The following PRRX2 variants were observed in gnomAD, a reference collection of about 807,000 sequenced individuals.
PRRX2 encodes the protein paired related homeobox 2.
PRRX2 carries 11 observed loss-of-function variants against 18.0 expected under a neutral mutation model. The ratio of observed to expected loss-of-function variants is 0.61; its 90% confidence interval spans 0.39 to 1.01. The LOEUF (loss-of-function observed/expected upper bound fraction) is 1.01. PRRX2 is among the 50% of genes least tolerant of loss of function. The pLI, the probability that PRRX2 is intolerant of heterozygous loss-of-function variation, is 0.01. For synonymous variants in PRRX2, 177 were observed against 154.8 expected (o/e 1.14, Z -1.06); for missense variants, 387 against 351.0 (o/e 1.10, Z -0.82).
At chr9:129,703,112 C>G (rs925062551) in intron 1 of PRRX2, among the ~76,000 whole-genome samples, 2 of 152,224 alleles carry the variant, frequency 1.3e-5, no homozygotes. Flanking sequence ...AAGATGGCCC[C>G]GTGCCCAGAC....
chr9:129,667,112 T>G (rs1018674163), intron 1 of PRRX2, among the ~76,000 whole-genome samples: 3 of 152,216 alleles, frequency 2.0e-5, no homozygotes, highest in African/African-American at 7.2e-5. Flanking sequence ...TGAATCCATG[T>G]GCGTCCACGA....
chr9:129,679,404 G>A (rs1178255666), intron 1 of PRRX2, among the ~76,000 whole-genome samples: 4 of 152,108 alleles, frequency 2.6e-5, no homozygotes, highest in Non-Finnish European at 4.4e-5. Flanking sequence ...GATCCAAGAG[G>A]ACCATTTATT....
At chr9:129,692,409 T>C (rs903211610) in intron 1 of PRRX2, among the ~76,000 whole-genome samples, 3 of 139,318 alleles carry the variant, frequency 2.2e-5, no homozygotes, top group African/African-American at 7.8e-5. Flanking sequence ...CATACCATCA[T>C]CACTCAAAGT....
intron 1 of PRRX2, among the ~76,000 whole-genome samples, chr9:129,712,420 T>G (rs1295472199): frequency 6.6e-6 from 1 of 152,174 alleles, no homozygotes; most frequent in Non-Finnish European, 1.5e-5. Flanking sequence ...CTCCAGACTA[T>G]TTAGACCCTT....
intron 1 of PRRX2, among the ~76,000 whole-genome samples, chr9:129,696,986 C>T (rs1206465995): frequency 1.3e-5 from 2 of 152,222 alleles, no homozygotes; most frequent in African/African-American, 4.8e-5. Context: ...GGCGACTGAC[C>T]TCCCTCCCTA....
intron 1 of PRRX2, among the ~76,000 whole-genome samples, chr9:129,673,351 G>A (rs1832123168): frequency 6.6e-6 from 1 of 152,198 alleles, no homozygotes; most frequent in South Asian, 2.1e-4. Flanking sequence ...CAGCTACTCG[G>A]GATGCTGAGA....
chr9:129,666,176 G>GGGGCCA, intron 1 of PRRX2, 50 bp downstream of exon 1: 3 of 992,890 alleles, frequency 3.0e-6, no homozygotes, highest in Non-Finnish European at 3.6e-6. Context: ...GGCCGGGGCC[G>GGGGCCA]GGGCCGGGGC....
chr9:129,703,027 C>G (rs916399815), intron 1 of PRRX2, among the ~76,000 whole-genome samples: 1 of 152,232 alleles, frequency 6.6e-6, no homozygotes, highest in African/African-American at 2.4e-5. Flanking sequence ...CTAGGACCTA[C>G]TGTAATGGAG....
intron 1 of PRRX2, among the ~76,000 whole-genome samples, chr9:129,680,400 CAAAA>C (rs1207606607): frequency 1.2e-5 from 1 of 85,846 alleles, no homozygotes. Flanking sequence ...GACTCCGTCT[CAAAA>C]AAAAAAAAAA....
chr9:129,672,362 C>A lies in PRRX2; in HGVS notation c.259+6236C>A, dbSNP rs146739855. The stretch of plus-strand genomic sequence containing the variant: ...GCATCACAGGCCTCACTGGAGTTGT[C>A]CTCCTGCCAGCCGTGTGAAGCCCAT... On this transcript the variant is annotated intron_variant, in intron 1 of 3. Transcript: ENST00000372469. 4.1e-3 allele frequency among the ~76,000 whole-genome samples: 620 copies of A among 152,284 alleles called. 8 individuals are homozygous for A. The highest frequency in any genetic ancestry group is 0.014 in the African/African-American group (595 of 41,540).
chr9:129,714,509 C>T (rs1009791553), intron 1 of PRRX2, among the ~76,000 whole-genome samples: 1 of 152,208 alleles, frequency 6.6e-6, no homozygotes, highest in African/African-American at 2.4e-5. Flanking sequence ...GGCACCACTC[C>T]TGTCCCAACC....
At chr9:129,691,615 C>T (rs1028793953) in intron 1 of PRRX2, among the ~76,000 whole-genome samples, 2 of 151,588 alleles carry the variant, frequency 1.3e-5, no homozygotes, top group African/African-American at 4.8e-5. Flanking sequence ...AATTAAGGAT[C>T]TCCTCCCCCA....
intron 1 of PRRX2, among the ~76,000 whole-genome samples, chr9:129,691,418 T>C (rs1832359416): frequency 6.6e-6 from 1 of 152,180 alleles, no homozygotes; most frequent in Admixed American, 6.5e-5. Flanking sequence ...CTCTTTCTCA[T>C]AATTTTACAT....
At chr9:129,711,818 G>C (rs34893730) in intron 1 of PRRX2, among the ~76,000 whole-genome samples, 20,611 of 152,150 alleles carry the variant, frequency 0.14, 1,777 homozygotes, top group East Asian at 0.35. Context: ...TCCTTAACCA[G>C]TAGGCGGTAC....
chr9:129,710,504 C>T (rs898992391), intron 1 of PRRX2, among the ~76,000 whole-genome samples: 4 of 152,128 alleles, frequency 2.6e-5, no homozygotes, highest in Admixed American at 2.0e-4. Context: ...GAGGCTGAGG[C>T]GGGTGGACCA....
At chr9:129,679,026 G>A (rs1045255117) in intron 1 of PRRX2, among the ~76,000 whole-genome samples, 11 of 152,318 alleles carry the variant, frequency 7.2e-5, no homozygotes, top group Middle Eastern at 3.4e-3. Context: ...TTTAGAGCCA[G>A]AGGTGGGGCA....
At chr9:129,667,169 C>G (rs535749347) in intron 1 of PRRX2, among the ~76,000 whole-genome samples, 6 of 38,312 alleles carry the variant, frequency 1.6e-4, no homozygotes, top group African/African-American at 1.0e-3. Flanking sequence ...TTCTGCCAGC[C>G]TGTGGCTGAG....
chr9:129,669,158 C>CTTT (rs10632892), intron 1 of PRRX2, among the ~76,000 whole-genome samples: 20 of 150,740 alleles, frequency 1.3e-4, no homozygotes, highest in Middle Eastern at 6.9e-3. Flanking sequence ...CAGGCTCAAA[C>CTTT]TTTTTTTAAT....
chr9:129,710,842 T>G (rs1832609429), intron 1 of PRRX2, among the ~76,000 whole-genome samples: 1 of 152,100 alleles, frequency 6.6e-6, no homozygotes, highest in South Asian at 2.1e-4. Context: ...GGGATCCTTC[T>G]CCATGAGGCC....
Sources: gnomAD v4.1 joint callset for allele counts (sites outside exome capture counted in the v4.1 genomes callset) on GRCh38, gnomAD v4.1.1 for gene constraint, MANE v1.5 for transcripts, NCBI Gene and HGNC (gene_info 2026-07-23, HGNC 2026-07-21) for gene names.